The following MAML3 variants were observed in gnomAD, a reference collection of about 807,000 sequenced individuals.
The protein encoded by MAML3 is mastermind like transcriptional coactivator 3.
MAML3 carries 27 observed loss-of-function variants against 101.9 expected under a neutral mutation model. The ratio of observed to expected loss-of-function variants is 0.27; its 90% CI spans 0.20 to 0.37. MAML3 has a LOEUF of 0.37. Ranked by LOEUF, MAML3 falls within the 10% of genes least tolerant of loss-of-function variation. The pLI, the probability that MAML3 is intolerant of heterozygous loss-of-function variation, is 1.00. For synonymous variants in MAML3, 501 were observed against 555.9 expected (o/e 0.90, Z 1.39); for missense variants, 1,316 against 1,444.9 (o/e 0.91, Z 1.45).
rs1038063067 is a variant in MAML3 at position 139,735,615 on chromosome 4, A to G, written c.2080-4948T>C. Among the ~76,000 whole-genome samples, 1 of 152,228 alleles carries G rather than the reference A, an allele frequency of 6.6e-6. No individual in the cohort carries two copies. Among genetic ancestry groups the G allele is most frequent in the Non-Finnish European group, 1.5e-5 (1 of 68,036 alleles). ...CGGCCCGGCACCGCTGCTTCGGCTC[A>G]GAGTCCTTGCAATCGCTTGGCCTAC... is the stretch of plus-strand genomic sequence containing the variant. On this transcript the variant is annotated intron_variant, in intron 2 of 4. Transcript: ENST00000509479. This position sits in a 1 kb window ranked among gnomAD's most constrained non-coding sequence, Gnocchi z 5.8.
chr4:140,045,570 T>C (rs1214364590), intron 1 of MAML3, among the ~76,000 whole-genome samples: 1 of 152,198 alleles, frequency 6.6e-6, no homozygotes, highest in Non-Finnish European at 1.5e-5. Context: ...ATACCATAAC[T>C]TACACAGCTA....
At chr4:139,862,404 A>G (rs546734178) in intron 2 of MAML3, among the ~76,000 whole-genome samples, 8 of 152,184 alleles carry the variant, frequency 5.3e-5, no homozygotes, top group African/African-American at 1.7e-4. Context: ...TTATCTCTCC[A>G]GTAACTGCCT....
At chr4:139,877,791 G>A (rs1732143303) in intron 2 of MAML3, among the ~76,000 whole-genome samples, 2 of 152,238 alleles carry the variant, frequency 1.3e-5, no homozygotes, top group Admixed American at 6.5e-5. Context: ...TAATAGCAAA[G>A]TAAATTACGT....
chr4:139,783,991 G>T (rs183206277), intron 2 of MAML3, among the ~76,000 whole-genome samples: 1 of 152,334 alleles, frequency 6.6e-6, no homozygotes, highest in African/African-American at 2.4e-5. Context: ...TTCCACCTGG[G>T]TGGAGGAAAT....
In MAML3 at chr4:139,730,430, T is replaced by TCTGCTGCTG; in HGVS notation, c.2308_2316dup (p.Gln770_Gln772dup). ...GGGCATGTTACCTGTTCCGCCAAAA[T>TCTGCTGCTG]CTGCTGCTGCTGCTGCTGCTGCTGC... On this transcript the variant is annotated inframe_insertion, in exon 3 of 5. Transcript: ENST00000509479. 6.9e-7 allele frequency: 1 copy of TCTGCTGCTG among 1,456,116 alleles called. No individual in the cohort carries two copies. Among genetic ancestry groups the TCTGCTGCTG allele is most frequent in the Non-Finnish European group, 9.3e-7 (1 of 1,074,428 alleles). 90.2% of individuals were successfully genotyped at this position (1,456,116 alleles called of 1,614,324 possible). A position where few individuals can be genotyped will look rare whatever the true frequency, so the allele number is the denominator to read the frequency against.
At chr4:140,027,154 G>A (rs1726839689) in intron 1 of MAML3, among the ~76,000 whole-genome samples, 1 of 151,982 alleles carries the variant, frequency 6.6e-6, no homozygotes, top group Non-Finnish European at 1.5e-5. Context: ...CACATGGCGT[G>A]CTTGAAGAAA....
chr4:139,812,517 T>C (rs1455329210), intron 2 of MAML3, among the ~76,000 whole-genome samples: 1 of 152,138 alleles, frequency 6.6e-6, no homozygotes, highest in Non-Finnish European at 1.5e-5. Flanking sequence ...GCAGTTGAAG[T>C]TGGGAGTGCT....
At chr4:140,064,516 G>A (rs1727498185) in intron 1 of MAML3, among the ~76,000 whole-genome samples, 1 of 152,102 alleles carries the variant, frequency 6.6e-6, no homozygotes, top group Non-Finnish European at 1.5e-5. Flanking sequence ...TTAGAGGGTG[G>A]CTTTCTGCTT....
chr4:139,925,180 T>G (rs528196235), intron 1 of MAML3, among the ~76,000 whole-genome samples: 3 of 152,102 alleles, frequency 2.0e-5, no homozygotes, highest in African/African-American at 7.2e-5. Flanking sequence ...CAATCTGCAA[T>G]GTGCAAGGGG....
intron 1 of MAML3, among the ~76,000 whole-genome samples, chr4:140,034,107 A>G (rs967295844): frequency 1.3e-5 from 2 of 152,142 alleles, no homozygotes; most frequent in Non-Finnish European, 2.9e-5. Context: ...CTTCTATCTC[A>G]TTCACAAGAA....
At chr4:140,137,236 C>T (rs1456199478) in intron 1 of MAML3, among the ~76,000 whole-genome samples, 2 of 152,236 alleles carry the variant, frequency 1.3e-5, no homozygotes, top group Non-Finnish European at 2.9e-5. Flanking sequence ...GATCCGCCCA[C>T]CTCGGCCTCC....
At chr4:140,002,587 A>G (rs1301397191) in intron 1 of MAML3, among the ~76,000 whole-genome samples, 2 of 152,232 alleles carry the variant, frequency 1.3e-5, no homozygotes, top group Non-Finnish European at 2.9e-5. Flanking sequence ...ATAGGTTCTA[A>G]ATACTAGCCT....
At chr4:139,986,599 A>C (rs1341349272) in intron 1 of MAML3, among the ~76,000 whole-genome samples, 1 of 150,020 alleles carries the variant, frequency 6.7e-6, no homozygotes, top group Non-Finnish European at 1.5e-5. Context: ...TAATATAACC[A>C]CTACACTGTT....
chr4:139,777,580 G>A (rs534455566), intron 2 of MAML3, among the ~76,000 whole-genome samples: 1 of 152,318 alleles, frequency 6.6e-6, no homozygotes, highest in South Asian at 2.1e-4. Context: ...AGGCTGGAGT[G>A]CAGCAGCATC....
At chr4:140,048,604 A>G (rs1727219889) in intron 1 of MAML3, among the ~76,000 whole-genome samples, 1 of 152,216 alleles carries the variant, frequency 6.6e-6, no homozygotes, top group Non-Finnish European at 1.5e-5. Context: ...GATGTTGCCA[A>G]AAATATCCAG....
At chr4:140,035,483 T>C (rs1410333077) in intron 1 of MAML3, among the ~76,000 whole-genome samples, 19 of 152,164 alleles carry the variant, frequency 1.2e-4, no homozygotes, top group Admixed American at 1.2e-3. Context: ...CTAGGGAATA[T>C]ATGTAAAAAT....
intron 1 of MAML3, among the ~76,000 whole-genome samples, chr4:140,065,287 T>C (rs1221453043): frequency 6.8e-6 from 1 of 146,608 alleles, no homozygotes; most frequent in Non-Finnish European, 1.5e-5. Context: ...TACGGTTTGC[T>C]TTTTTTTTTT....
chr4:139,970,005 T>C (rs1336516045), intron 1 of MAML3, among the ~76,000 whole-genome samples: 1 of 152,182 alleles, frequency 6.6e-6, no homozygotes, highest in African/African-American at 2.4e-5. Flanking sequence ...TTCAACAGCA[T>C]TTGATGAAGA....
At chr4:140,026,094 T>G (rs1247913895) in intron 1 of MAML3, among the ~76,000 whole-genome samples, 4 of 152,208 alleles carry the variant, frequency 2.6e-5, no homozygotes, top group Non-Finnish European at 5.9e-5. Context: ...TATCCCTTAA[T>G]GATTAGGAAC....
Sources: gnomAD v4.1 joint callset for allele counts (sites outside exome capture counted in the v4.1 genomes callset) on GRCh38, gnomAD v4.1.1 for gene constraint, Gnocchi (gnomAD v3.1) non-coding constraint, MANE v1.5 for transcripts, NCBI Gene and HGNC (gene_info 2026-07-23, HGNC 2026-07-21) for gene names.